Variants in LRBA observed in about 807,000 individuals in gnomAD.
LRBA encodes the protein LPS responsive beige-like anchor protein, also known as lipopolysaccharide-responsive and beige-like anchor protein.
In LRBA, 176 loss-of-function variants were observed where a neutral mutation model predicts 330.0. The observed-to-expected ratio is 0.53, with a 90% confidence interval of 0.47 to 0.60. LRBA has a LOEUF of 0.60. Ranked by LOEUF, LRBA falls within the 20% of genes least tolerant of loss-of-function variation. The pLI is 0.00. For missense variants in LRBA, 3,259 were observed against 3,444.8 expected (o/e 0.95, Z 1.35); for synonymous variants, 1,230 against 1,193.0 (o/e 1.03, Z -0.64).
intron 40 of LRBA, among the ~76,000 whole-genome samples, chr4:150,547,602 C>A (rs1423541469): frequency 2.0e-5 from 3 of 152,098 alleles, no homozygotes; most frequent in African/African-American, 7.2e-5. Flanking sequence ...AGCTTTATTT[C>A]TGGTAAGAAG....
rs139428686 is a variant in LRBA at position 150,435,609 on chromosome 4, G to A, written c.7021C>T (p.Arg2341Cys). Residue 2341 changes from arginine (R) to cysteine (C), a missense_variant, in exon 46 of 57, where the codon CGT becomes TGT. Physicochemically the swap from Arg to Cys is radical, Grantham distance 180 (BLOSUM62 -3). Coordinates refer to ENST00000651943, the MANE Select transcript of LRBA (RefSeq NM_001364905.1). The part of the protein sequence containing the change: ...SISRAWRNSQ[R>C]DTSDIKELIP... The stretch of plus-strand genomic sequence containing the variant: ...TGTACCTTAATATCAGAGGTATCAC[G>A]CTGACTGTTTCGCCAAGCTCTGGAA... 45 of 1,612,134 alleles carry A rather than the reference G, an allele frequency of 2.8e-5. No homozygotes were observed. Among genetic ancestry groups the A allele is most frequent in the Non-Finnish European group, 3.1e-5 (37 of 1,179,310 alleles).
chr4:150,899,122 G>A (rs1730441567), intron 14 of LRBA, among the ~76,000 whole-genome samples: 1 of 151,992 alleles, frequency 6.6e-6, no homozygotes, highest in Non-Finnish European at 1.5e-5. Context: ...TCAACTTAGG[G>A]GATGCCTCCA....
chr4:150,657,949 G>A (rs1407395402), intron 37 of LRBA, among the ~76,000 whole-genome samples: 1 of 151,924 alleles, frequency 6.6e-6, no homozygotes, highest in Non-Finnish European at 1.5e-5. Flanking sequence ...AGAAAGATCT[G>A]GCTCCCAAAG....
At position 150,415,638 on chromosome 4, in the gene LRBA, G is replaced by A. The variant is rs766023915; in HGVS notation, c.7042-48C>T. On this transcript the variant is annotated intron_variant, in intron 46 of 56. Transcript: ENST00000651943. ...GTGATATTATAAACTGTAGGATACT[G>A]ACTAGATATTCAAAAAAAGGACCTG... 10 of 1,087,148 alleles carry A rather than the reference G, an allele frequency of 9.2e-6. 1 individual carries two copies. In the South Asian group the frequency reaches 1.5e-4, roughly 16 times the overall value. The allele number at this position is 1,087,148 out of a possible 1,614,324, so 67.3% of individuals were successfully genotyped here. A position where few individuals can be genotyped will look rare whatever the true frequency, so the allele number is the denominator to read the frequency against.
chr4:150,359,751 C>T (rs750995313), intron 47 of LRBA, among the ~76,000 whole-genome samples: 7 of 151,964 alleles, frequency 4.6e-5, no homozygotes, highest in Non-Finnish European at 8.8e-5. Flanking sequence ...GAGGCCGAAG[C>T]GGGTGGATCA....
intron 9 of LRBA, among the ~76,000 whole-genome samples, chr4:150,913,451 G>C (rs550701961): frequency 6.6e-6 from 1 of 152,184 alleles, no homozygotes; most frequent in Non-Finnish European, 1.5e-5. Flanking sequence ...TGGGCAACAA[G>C]AGCAAAACTC....
chr4:150,809,850 AATACGATACGATACGATACGATACG>A (rs70941451), intron 31 of LRBA, among the ~76,000 whole-genome samples: 5,149 of 87,782 alleles, frequency 0.059, 165 homozygotes, highest in Non-Finnish European at 0.065. Flanking sequence ...CCTGTCTTAA[AATACGATACGATACGATACGATACG>A]ATACGATACG....
intron 13 of LRBA, among the ~76,000 whole-genome samples, chr4:150,903,497 G>C (rs1730984223): frequency 1.3e-5 from 2 of 151,984 alleles, no homozygotes; most frequent in South Asian, 4.1e-4. Flanking sequence ...CAGCACTCTT[G>C]GGGGGCTGAG....
At chr4:150,482,903 A>G (rs145728618) in intron 42 of LRBA, among the ~76,000 whole-genome samples, 157 of 152,112 alleles carry the variant, frequency 1.0e-3, no homozygotes, top group African/African-American at 3.5e-3. Context: ...TGTTTCCTAC[A>G]TATCCTGGAT....
chr4:150,698,159 C>G (rs1431507874), intron 36 of LRBA, among the ~76,000 whole-genome samples: 1 of 152,040 alleles, frequency 6.6e-6, no homozygotes, highest in Non-Finnish European at 1.5e-5. Flanking sequence ...AGCCAATATT[C>G]TAAGTGCACA....
chr4:150,870,570 T>G lies in LRBA; in HGVS notation c.2404A>C (p.Lys802Gln). ...IEQIGTQVIH[K>Q]QHPDPDSSVK... ...GAAGAATCAGGATCTGGATGCTGTT[T>G]ATGTATCACCTGAGTACCAATCTGT... The change falls in exon 20 of 57, where the codon AAA becomes CAA. Residue 802 changes from lysine to glutamine, a missense_variant. Coordinates refer to ENST00000651943, the MANE Select transcript of LRBA (RefSeq NM_001364905.1). The G allele has an allele frequency of 6.3e-7, 1 of 1,593,220 alleles. No homozygotes were observed. Among genetic ancestry groups the G allele is most frequent in the Non-Finnish European group, 8.6e-7 (1 of 1,161,692 alleles).
At chr4:150,594,492 G>A (rs1581769946) in intron 38 of LRBA, among the ~76,000 whole-genome samples, 1 of 151,936 alleles carries the variant, frequency 6.6e-6, no homozygotes, top group South Asian at 2.1e-4. Context: ...AAGTTAATTG[G>A]ATGAAGTCAG....
intron 42 of LRBA, among the ~76,000 whole-genome samples, chr4:150,482,882 G>C (rs567160067): frequency 6.6e-6 from 1 of 151,672 alleles, no homozygotes; most frequent in African/African-American, 2.4e-5. Flanking sequence ...AGCTTATCTT[G>C]TTATATAGTA....
chr4:150,875,018 T>C (rs1753843201), intron 17 of LRBA, among the ~76,000 whole-genome samples: 1 of 151,934 alleles, frequency 6.6e-6, no homozygotes, highest in Admixed American at 6.6e-5. Flanking sequence ...CTGAGTCACC[T>C]CACCCCTCTG....
intron 36 of LRBA, among the ~76,000 whole-genome samples, chr4:150,685,911 C>CAAA (rs1783582032): frequency 6.6e-6 from 1 of 151,938 alleles, no homozygotes; most frequent in Non-Finnish European, 1.5e-5. Context: ...GAGAGTTTGA[C>CAAA]CCAAGTACAA....
chr4:150,837,911 T>C (rs1403659022), intron 28 of LRBA, among the ~76,000 whole-genome samples: 1 of 152,168 alleles, frequency 6.6e-6, no homozygotes, highest in Non-Finnish European at 1.5e-5. Flanking sequence ...ATTTGGCATG[T>C]TTTTGCAGTG....
intron 42 of LRBA, among the ~76,000 whole-genome samples, chr4:150,481,760 C>G (rs895053298): frequency 2.0e-5 from 3 of 152,040 alleles, no homozygotes; most frequent in African/African-American, 7.2e-5. Context: ...GTAGTCATTT[C>G]CCTTTTATTT....
intron 44 of LRBA, among the ~76,000 whole-genome samples, chr4:150,461,487 A>G (rs1754768763): frequency 6.6e-6 from 1 of 151,762 alleles, no homozygotes; most frequent in South Asian, 2.1e-4. Context: ...TTAGTGTTCA[A>G]ATTCTGATTC....
At chr4:150,276,548 C>T (rs1283452712) in intron 56 of LRBA, among the ~76,000 whole-genome samples, 1 of 152,100 alleles carries the variant, frequency 6.6e-6, no homozygotes, top group Non-Finnish European at 1.5e-5. Context: ...GGGCTAATAT[C>T]CAGAATCTAC....
Sources: allele counts gnomAD v4.1 joint callset (sites outside exome capture counted in the v4.1 genomes callset), GRCh38; gene constraint gnomAD v4.1.1; transcripts MANE v1.5; gene names NCBI Gene and HGNC (gene_info 2026-07-23, HGNC 2026-07-21).